Variants in FUT8 observed in about 807,000 individuals in gnomAD.
The protein encoded by FUT8 is alpha-(1,6)-fucosyltransferase.
In FUT8, 29 loss-of-function variants were observed where a neutral mutation model predicts 71.3. The observed-to-expected ratio is 0.41, with a 90% confidence interval of 0.30 to 0.55. The LOEUF (loss-of-function observed/expected upper bound fraction) is 0.55, where lower values mean the gene tolerates loss of function less well. FUT8 is among the 20% of genes least tolerant of loss of function. FUT8 has a pLI of 0.34. For synonymous variants in FUT8, 254 were observed against 239.3 expected, an observed-to-expected ratio of 1.06 and a Z score of -0.57; for missense variants, 544 against 702.1, an observed-to-expected ratio of 0.77 and a Z score of 2.55.
intron 3 of FUT8, among the ~76,000 whole-genome samples, chr14:65,611,215 GCGCGCGCGCACACACACACACACACA>G (rs1566851070): frequency 1.9e-3 from 9 of 4,630 alleles, no homozygotes; most frequent in Non-Finnish European, 4.8e-3. Flanking sequence ...GCGCGCGCGC[GCGCGCGCGCACACACACACACACACA>G]CACACACACA....
intron 6 of FUT8, among the ~76,000 whole-genome samples, chr14:65,636,850 C>A (rs1283342779): frequency 6.6e-6 from 1 of 152,134 alleles, no homozygotes; most frequent in Admixed American, 6.6e-5. Flanking sequence ...TTGTCAAAAT[C>A]ATTTTCTCTT....
chr14:65,491,418 T>C lies in FUT8; in HGVS notation c.-228+35700T>C, dbSNP rs557907998. On this transcript the variant is annotated intron_variant, in intron 2 of 10. Coordinates refer to ENST00000673929, the MANE Select transcript of FUT8 (RefSeq NM_001371533.1). The stretch of plus-strand genomic sequence containing the variant: ...TCAGCTAATGTTGACTGATTGCTTG[T>C]TTCAAGTATTTTTACAGAGAAACTT... 1.1e-4 allele frequency among the ~76,000 whole-genome samples: 16 copies of C among 152,256 alleles called. No individual in the cohort carries two copies. The South Asian group carries it at 1.9e-3, about 18-fold the overall frequency.
Position 65,603,174 on chromosome 14 carries a change from G to GGATCCA in FUT8, c.204-12803_204-12802insATCCAG, listed in dbSNP as rs1888397749. On this transcript the variant is annotated intron_variant, in intron 3 of 10. Coordinates refer to ENST00000673929, the MANE Select transcript of FUT8 (RefSeq NM_001371533.1). This position sits in a 1 kb window ranked among gnomAD's most constrained non-coding sequence, Gnocchi z 4.5. ...GATTTTTGTGTAAGGTGAGAGATGA[G>GGATCCA]GTTTTATTCTGCTACATGTGGCTTG... Among the ~76,000 whole-genome samples the GGATCCA allele has an allele frequency of 6.6e-6, 1 of 151,820 alleles. No homozygotes were observed. The highest frequency in any genetic ancestry group is 1.5e-5 in the Non-Finnish European group (1 of 67,880).
intron 3 of FUT8, among the ~76,000 whole-genome samples, chr14:65,575,568 TTTCCTTCCTTCCTTCTTCC>T (rs1423368423): frequency 0.054 from 4,180 of 77,534 alleles, 120 homozygotes; most frequent in East Asian, 0.16. Flanking sequence ...CCCTCCCTTC[TTTCCTTCCTTCCTTCTTCC>T]TTCCTTCCTT....
intron 7 of FUT8, among the ~76,000 whole-genome samples, chr14:65,717,845 T>C (rs550215239): frequency 8.5e-5 from 13 of 152,352 alleles, no homozygotes; most frequent in Non-Finnish European, 5.9e-5. Flanking sequence ...TAGTTTTTTT[T>C]TCTTGAAATC....
At chr14:65,461,004 T>C (rs1034734758) in intron 2 of FUT8, among the ~76,000 whole-genome samples, 14 of 152,160 alleles carry the variant, frequency 9.2e-5, no homozygotes, top group East Asian at 3.8e-4. Context: ...GAAAGCTGTG[T>C]GTGTGTGTAT....
intron 3 of FUT8, among the ~76,000 whole-genome samples, chr14:65,614,646 T>A (rs1889185296): frequency 6.6e-6 from 1 of 152,208 alleles, no homozygotes; most frequent in Admixed American, 6.5e-5. Flanking sequence ...TGCTCATGGT[T>A]GCTTCTTCCA....
the FUT8 span, among the ~76,000 whole-genome samples, chr14:65,373,254 G>A: frequency 1.3e-5 from 2 of 151,586 alleles, no homozygotes; most frequent in Non-Finnish European, 2.9e-5. Context: ...ACCTGCAGCC[G>A]TAAATGACAA....
intron 3 of FUT8, among the ~76,000 whole-genome samples, chr14:65,594,712 G>A (rs1887873534): frequency 6.6e-6 from 1 of 152,154 alleles, no homozygotes; most frequent in South Asian, 2.1e-4. Flanking sequence ...GAGAAAGGGA[G>A]CGGGAAGGGC....
At chr14:65,571,272 A>G (rs1327810575) in intron 3 of FUT8, among the ~76,000 whole-genome samples, 1 of 152,206 alleles carries the variant, frequency 6.6e-6, no homozygotes, top group Non-Finnish European at 1.5e-5. Context: ...GTGCTTGCTG[A>G]ACCTATCCAA....
the FUT8 span, among the ~76,000 whole-genome samples, chr14:65,363,313 G>T: frequency 0.46 from 67,185 of 145,896 alleles, 17,477 homozygotes; most frequent in Non-Finnish European, 0.6. Context: ...GTAGAGATGG[G>T]GTTTCACCCT....
intron 2 of FUT8, among the ~76,000 whole-genome samples, chr14:65,458,523 G>A (rs1342561791): frequency 6.6e-6 from 1 of 151,986 alleles, no homozygotes; most frequent in African/African-American, 2.4e-5. Context: ...TAAGGAAACT[G>A]TAGTTCATTA....
chr14:65,714,621 A>T (rs1271826551), intron 7 of FUT8, among the ~76,000 whole-genome samples: 2 of 152,052 alleles, frequency 1.3e-5, no homozygotes, highest in Non-Finnish European at 2.9e-5. Context: ...TCTATGAAAA[A>T]GTCATTGGTA....
At chr14:65,557,591 A>G (rs1475111712) in intron 2 of FUT8, among the ~76,000 whole-genome samples, 1 of 151,680 alleles carries the variant, frequency 6.6e-6, no homozygotes, top group Non-Finnish European at 1.5e-5. Context: ...TCAGCCTCCC[A>G]AAGTGCTGGG....
chr14:65,396,880 G>A, the FUT8 span, among the ~76,000 whole-genome samples: 1 of 152,158 alleles, frequency 6.6e-6, no homozygotes, highest in African/African-American at 2.4e-5. This position sits in a 1 kb window ranked among gnomAD's most constrained non-coding sequence, Gnocchi z 5.5. Context: ...GTTTGCCCAG[G>A]CTGGAGTGCA....
intron 7 of FUT8, among the ~76,000 whole-genome samples, chr14:65,700,902 A>G (rs555907936): frequency 7.2e-5 from 11 of 152,304 alleles, no homozygotes; most frequent in African/African-American, 2.2e-4. Flanking sequence ...TCTTTATTAG[A>G]CCATTCTTTG....
intron 7 of FUT8, among the ~76,000 whole-genome samples, chr14:65,675,017 G>C (rs1265301415): frequency 1.3e-5 from 2 of 152,150 alleles, no homozygotes; most frequent in Non-Finnish European, 2.9e-5. Flanking sequence ...ACAAAAGAAA[G>C]AAAGATCTTT....
At chr14:65,468,213 T>G (rs2066076377) in intron 2 of FUT8, 1 of 626,612 alleles carries the variant, frequency 1.6e-6, no homozygotes, top group Admixed American at 1.9e-5. Flanking sequence ...TAGTACCCAT[T>G]CCCTTGATGT....
chr14:65,720,512 C>G (rs1370505473), intron 7 of FUT8, among the ~76,000 whole-genome samples: 2 of 152,212 alleles, frequency 1.3e-5, no homozygotes, highest in African/African-American at 4.8e-5. Context: ...TTACTCTTCC[C>G]TCTCTACTGC....
Sources: allele counts gnomAD v4.1 joint callset (sites outside exome capture counted in the v4.1 genomes callset), GRCh38; gene constraint gnomAD v4.1.1; non-coding constraint Gnocchi (gnomAD v3.1); transcripts MANE v1.5; gene names NCBI Gene and HGNC (gene_info 2026-07-23, HGNC 2026-07-21).